Variants in SRPRA observed in about 807,000 individuals in gnomAD.
SRPRA encodes the protein SRP receptor subunit alpha.
Under a neutral mutation model 61.1 loss-of-function variants are expected in SRPRA, and 30 were observed. That is an observed-to-expected ratio of 0.49 (90% CI 0.37 to 0.67). The LOEUF is 0.67. SRPRA is among the 30% of genes least tolerant of loss of function. The pLI is 0.00. For synonymous variants in SRPRA, 324 were observed against 299.7 expected (o/e 1.08, Z -0.84); for missense variants, 759 against 828.4 (o/e 0.92, Z 1.03).
rs750094464 is a variant in SRPRA at position 126,266,757 on chromosome 11, G to A, written c.686+6C>T. On this transcript the variant is annotated splice_donor_region_variant and intron_variant, in intron 5 of 13. Transcript: ENST00000332118. ...ATTTTGAGAGTACTGGAGAAAGAGTGCTCACTTGGACTTCTCCATACCCCT... is the reference window on the plus strand; with the variant it reads ...ATTTTGAGAGTACTGGAGAAAGAGTACTCACTTGGACTTCTCCATACCCCT... 3 of 1,613,796 alleles carry A rather than the reference G, an allele frequency of 1.9e-6. No individual in the cohort carries two copies. The highest frequency in any genetic ancestry group is 2.5e-6 in the Non-Finnish European group (3 of 1,179,818).
In SRPRA at chr11:126,266,262, G is replaced by A. The variant is rs376888990; in HGVS notation, c.857C>T (p.Ser286Phe). Residue 286 changes from serine to phenylalanine, a missense_variant, in exon 7 of 14, where the codon TCT (serine) becomes TTT (phenylalanine). Coordinates refer to ENST00000332118, the MANE Select transcript of SRPRA (RefSeq NM_003139.4). ...EDINLIRGTG[S>F]GGQLQDLDCS... ...GTCCAGATCCTGAAGCTGCCCCCCA[G>A]ACCCAGTCCCTCGAATCTGGAAGAT... 6.2e-6 allele frequency: 10 copies of A among 1,614,060 alleles called. No individual in the cohort carries two copies. Among genetic ancestry groups the A allele is most frequent in the Middle Eastern group, 1.6e-4 (1 of 6,082 alleles).
At chr11:126,243,828 C>T in the SRPRA span, among the ~76,000 whole-genome samples, 10 of 150,762 alleles carry the variant, frequency 6.6e-5, no homozygotes, top group South Asian at 2.1e-4. Context: ...TGCTGGAACC[C>T]GGGAGGCAGG....
In SRPRA at chr11:126,265,550, TC is replaced by T; in HGVS notation, c.1139-111del. On this transcript the variant is annotated intron_variant, in intron 9 of 13. Transcript: ENST00000332118. The surrounding 1 kb of genome is among the most constrained non-coding windows in gnomAD (Gnocchi z 6.3). ...ACTAAAACAGTAAATTAGACTCTTG[TC>T]CCAGAAATCCAGAACAGACGCACAT... 1.5e-6 allele frequency: 2 copies of T among 1,325,340 alleles called. No individual in the cohort carries two copies. The highest frequency in any genetic ancestry group is 2.1e-6 in the Non-Finnish European group (2 of 968,084). 82.1% of individuals were successfully genotyped at this position (1,325,340 alleles called of 1,614,324 possible).
chr11:126,268,600 TG>T, intron 1 of SRPRA, 87 bp downstream of exon 1: 1 of 808,210 alleles, frequency 1.2e-6, no homozygotes, highest in South Asian at 1.6e-5. Context: ...GCGGGGAGGG[TG>T]GGAGGAGGCG....
chr11:126,258,159 G>A (rs1203914614), downstream of SRPRA, among the ~76,000 whole-genome samples: 1 of 152,180 alleles, frequency 6.6e-6, no homozygotes, highest in African/African-American at 2.4e-5. Context: ...ACTGTGGGAG[G>A]CCCAGGTGGG....
At position 126,267,097 on chromosome 11, in the gene SRPRA, AAAGG is replaced by A; in HGVS notation, c.526+74_526+77del. ...AGTGAGAAGCAGGTAAGCAATGACA[AAAGG>A]AAGGACCACCTCAGTCCTTAGCACC... On this transcript the variant is annotated intron_variant, in intron 4 of 13. Coordinates refer to ENST00000332118, the MANE Select transcript of SRPRA (RefSeq NM_003139.4). This position sits in a 1 kb window ranked among gnomAD's most constrained non-coding sequence, Gnocchi z 4.2. 1 of 1,572,086 alleles carries A rather than the reference AAAGG, an allele frequency of 6.4e-7. No homozygotes were observed.
chr11:126,247,574 G>A, the SRPRA span, among the ~76,000 whole-genome samples: 4 of 152,054 alleles, frequency 2.6e-5, no homozygotes, highest in East Asian at 5.8e-4. Context: ...AATGTAGTAC[G>A]TATTTGCCAG....
At chr11:126,243,955 A>G in the SRPRA span, among the ~76,000 whole-genome samples, 3 of 152,054 alleles carry the variant, frequency 2.0e-5, no homozygotes, top group Admixed American at 6.6e-5. Context: ...TATCAATAGG[A>G]TAAAAGACAA....
At chr11:126,259,654 T>G (rs1950644102), downstream of SRPRA, among the ~76,000 whole-genome samples, 1 of 151,836 alleles carries the variant, frequency 6.6e-6, no homozygotes, top group Non-Finnish European at 1.5e-5. Context: ...CTCGGTCTCC[T>G]GACCTCATGA....
rs760553374 is a variant in SRPRA at position 126,265,112 on chromosome 11, G to A, written c.1372C>T (p.Arg458Cys). 3.7e-6 allele frequency: 6 copies of A among 1,614,158 alleles called. No individual in the cohort carries two copies. Among genetic ancestry groups the A allele is most frequent in the Non-Finnish European group, 4.2e-6 (5 of 1,180,034 alleles). ...CGCAGCTGCTCCACGGCCCCAGCAC[G>A]AAATGTATCACAGGCAGCAATGAGG... ...SVLIAACDTF[R>C]AGAVEQLRTH... The change falls in exon 11 of 14, where the codon CGT becomes TGT. Residue 458 changes from arginine to cysteine, a missense_variant. Arg to Cys is a radical substitution (Grantham distance 180). This residue lies in a region of SRPRA where 284 missense variants were observed against 365.9 expected (regional missense o/e 0.78). Transcript: ENST00000332118. This position sits in a 1 kb window ranked among gnomAD's most constrained non-coding sequence, Gnocchi z 6.3.
chr11:126,253,035 AAAAC>A, the SRPRA span, among the ~76,000 whole-genome samples: 18 of 152,332 alleles, frequency 1.2e-4, no homozygotes, highest in East Asian at 2.9e-3. This position sits in a 1 kb window ranked among gnomAD's most constrained non-coding sequence, Gnocchi z 5.1. Flanking sequence ...ACTCTGTCTA[AAAAC>A]AAACAAACAA....
rs1244348731 is a variant in SRPRA, at chr11:126,264,851, T to C, written c.1525+108A>G. On this transcript the variant is annotated intron_variant, in intron 11 of 13. Transcript: ENST00000332118. This position sits in a 1 kb window ranked among gnomAD's most constrained non-coding sequence, Gnocchi z 5.0. ...AACTGATCTGACTTTTTACTGTAAT[T>C]GACCAACGAGTCTGTAGTAGCACAA... The C allele has an allele frequency of 1.6e-5, 17 of 1,094,738 alleles. No homozygotes were observed. The East Asian group carries it at 1.8e-4, about 12-fold the overall frequency. 67.8% of individuals were successfully genotyped at this position (1,094,738 alleles called of 1,614,324 possible). A position where few individuals can be genotyped will look rare whatever the true frequency, so the allele number is the denominator to read the frequency against.
the SRPRA span, chr11:126,256,539 G>A: frequency 2.5e-6 from 4 of 1,606,846 alleles, no homozygotes; most frequent in African/African-American, 4.0e-5. This position sits in a 1 kb window ranked among gnomAD's most constrained non-coding sequence, Gnocchi z 6.6. Context: ...TCTTCACAAT[G>A]TCAATATGTT....
At chr11:126,245,339 C>T in the SRPRA span, 12 of 151,720 alleles carry the variant, frequency 7.9e-5, no homozygotes, top group African/African-American at 2.4e-4. Flanking sequence ...TAGCCAAGAC[C>T]GTCTTGAAAA....
the SRPRA span, among the ~76,000 whole-genome samples, chr11:126,239,769 C>T: frequency 6.6e-6 from 1 of 152,134 alleles, no homozygotes; most frequent in Non-Finnish European, 1.5e-5. Context: ...CCACCTTGGC[C>T]CCCCAAAGTG....
rs760080163 is a variant in SRPRA at position 126,265,725 on chromosome 11, G to GT, written c.1138+11dup. 1.2e-6 allele frequency: 2 copies of GT among 1,613,950 alleles called. No individual in the cohort carries two copies. Among genetic ancestry groups the GT allele is most frequent in the Admixed American group, 1.7e-5 (1 of 60,020 alleles). ...TACACATAAGCACTTTCTCACTTAG[G>GT]TAAGTACTTACTGCTGAACGTCCCC... On this transcript the variant is annotated intron_variant, in intron 9 of 13. Transcript: ENST00000332118. This position sits in a 1 kb window ranked among gnomAD's most constrained non-coding sequence, Gnocchi z 6.3.
At chr11:126,253,025 ACT>A in the SRPRA span, among the ~76,000 whole-genome samples, 3 of 152,302 alleles carry the variant, frequency 2.0e-5, no homozygotes, top group South Asian at 2.1e-4. The surrounding 1 kb of genome is among the most constrained non-coding windows in gnomAD (Gnocchi z 5.1). Flanking sequence ...ACAGACCAAG[ACT>A]CTGTCTAAAA....
chr11:126,248,918 C>T, the SRPRA span, among the ~76,000 whole-genome samples: 4 of 152,190 alleles, frequency 2.6e-5, no homozygotes, highest in African/African-American at 9.7e-5. Context: ...TAGTTACTTT[C>T]CCATTTCAAA....
At chr11:126,253,282 G>C in the SRPRA span, among the ~76,000 whole-genome samples, 1 of 152,038 alleles carries the variant, frequency 6.6e-6, no homozygotes, top group African/African-American at 2.4e-5. The surrounding 1 kb of genome is among the most constrained non-coding windows in gnomAD (Gnocchi z 5.1). Flanking sequence ...GACATTGACT[G>C]GTAGTCAGAA....
Sources: gnomAD v4.1 joint callset for allele counts (sites outside exome capture counted in the v4.1 genomes callset) on GRCh38, gnomAD v4.1.1 for gene constraint, gnomAD v4.1.1 regional missense constraint, Gnocchi (gnomAD v3.1) non-coding constraint, MANE v1.5 for transcripts, NCBI Gene and HGNC (gene_info 2026-07-23, HGNC 2026-07-21) for gene names.